The following TEX14 variants were observed in gnomAD, a reference collection of about 807,000 sequenced individuals.
TEX14 encodes the protein testis expressed 14, intercellular bridge forming factor.
TEX14 carries 168 observed loss-of-function variants against 178.6 expected under a neutral mutation model. That is an observed-to-expected ratio of 0.94 (90% CI 0.83 to 1.07). The LOEUF (loss-of-function observed/expected upper bound fraction) is 1.07. Ranked by LOEUF, TEX14 falls within the 50% of genes least tolerant of loss-of-function variation. The pLI is 0.00. For synonymous variants in TEX14, 626 were observed against 634.1 expected (o/e 0.99, Z 0.19); for missense variants, 1,730 against 1,753.6 (o/e 0.99, Z 0.24).
intron 3 of TEX14, among the ~76,000 whole-genome samples, chr17:58,626,743 C>T (rs1041842124): frequency 2.0e-5 from 3 of 151,670 alleles, no homozygotes; most frequent in Non-Finnish European, 2.9e-5. Flanking sequence ...TGGTGGCACG[C>T]GCCTGTAGTC....
chr17:58,631,818 T>C (rs1368965671), intron 2 of TEX14: 7 of 148,876 alleles, frequency 4.7e-5, no homozygotes, highest in East Asian at 3.9e-4. Context: ...ATAGAAATTA[T>C]CCCTCAAAAT....
intron 19 of TEX14, among the ~76,000 whole-genome samples, chr17:58,581,078 C>T (rs2044801535): frequency 6.6e-6 from 1 of 152,130 alleles, no homozygotes; most frequent in South Asian, 2.1e-4. Flanking sequence ...TTTGGGAGGC[C>T]GAGGCGGGCG....
chr17:58,598,647 T>C (rs960759766), intron 14 of TEX14, among the ~76,000 whole-genome samples: 3 of 152,316 alleles, frequency 2.0e-5, no homozygotes, highest in Admixed American at 1.3e-4. Flanking sequence ...CACCTTGCTA[T>C]GAGTCAGTTG....
intron 1 of TEX14, among the ~76,000 whole-genome samples, chr17:58,671,668 T>G (rs979024657): frequency 6.6e-6 from 1 of 152,180 alleles, no homozygotes; most frequent in Non-Finnish European, 1.5e-5. Flanking sequence ...TGCCTTTCCT[T>G]TCTGGATTTG....
At chr17:58,592,219 C>T (rs1040578969) in intron 15 of TEX14, among the ~76,000 whole-genome samples, 7 of 149,734 alleles carry the variant, frequency 4.7e-5, no homozygotes, top group South Asian at 4.2e-4. Context: ...TACTTAAGTT[C>T]GTTCTTTATT....
chr17:58,668,851 C>A (rs867766043), intron 1 of TEX14, among the ~76,000 whole-genome samples: 2 of 152,106 alleles, frequency 1.3e-5, no homozygotes, highest in Non-Finnish European at 1.5e-5. Flanking sequence ...GCCCTGAGGA[C>A]TGGGGGGTCA....
chr17:58,571,799 C>T (rs1409677958), intron 24 of TEX14, 122 bp downstream of exon 24: 4 of 827,292 alleles, frequency 4.8e-6, no homozygotes, highest in Admixed American at 4.5e-5. Flanking sequence ...CCCAGGCAAG[C>T]CAGGAGAGGA....
chr17:58,646,404 C>A (rs2046708335), intron 2 of TEX14, among the ~76,000 whole-genome samples: 1 of 152,216 alleles, frequency 6.6e-6, no homozygotes, highest in Admixed American at 6.6e-5. Flanking sequence ...CTCTCCACCC[C>A]ACTGGTTTTC....
chr17:58,561,484 A>AAAG (rs759194171), intron 29 of TEX14, 36 bp downstream of exon 29: 1 of 1,450,526 alleles, frequency 6.9e-7, no homozygotes, highest in East Asian at 2.3e-5. Flanking sequence ...ACTTCCTGAA[A>AAAG]AAGAAGAAAA....
chr17:58,587,690 G>T, intron 16 of TEX14, 24 bp from the exon 17 acceptor site: 1 of 1,542,170 alleles, frequency 6.5e-7, no homozygotes. Flanking sequence ...GTTTTTTGGA[G>T]GTAGGGGGAG....
intron 11 of TEX14, among the ~76,000 whole-genome samples, chr17:58,603,350 T>C (rs1261183977): frequency 6.8e-6 from 1 of 146,434 alleles, no homozygotes; most frequent in African/African-American, 2.6e-5. Context: ...AGGTCAGAGG[T>C]TGAAACCAGC....
intron 1 of TEX14, among the ~76,000 whole-genome samples, chr17:58,681,657 C>T (rs2047503062): frequency 6.6e-6 from 1 of 151,998 alleles, no homozygotes; most frequent in Non-Finnish European, 1.5e-5. Flanking sequence ...CGAGACCAGC[C>T]TGGCAAACAT....
At chr17:58,570,027 A>G (rs1358622786) in intron 25 of TEX14, among the ~76,000 whole-genome samples, 2 of 152,172 alleles carry the variant, frequency 1.3e-5, no homozygotes, top group African/African-American at 4.8e-5. Context: ...TACTACATAT[A>G]TTTATGAACA....
intron 1 of TEX14, among the ~76,000 whole-genome samples, chr17:58,665,061 A>G (rs1228751637): frequency 6.6e-6 from 1 of 152,170 alleles, no homozygotes; most frequent in African/African-American, 2.4e-5. Context: ...AAATAAGGAA[A>G]CAGATTAAGT....
Position 58,593,606 on chromosome 17 carries a change from G to A in TEX14, c.2525C>T (p.Thr842Ile), listed in dbSNP as rs1384885738. 4 of 1,614,130 alleles carry A rather than the reference G, an allele frequency of 2.5e-6. No individual in the cohort carries two copies. Among genetic ancestry groups the A allele is most frequent in the Non-Finnish European group, 3.4e-6 (4 of 1,180,018 alleles). Residue 842 changes from threonine (T) to isoleucine (I), a missense_variant, in exon 15 of 32, where the codon ACT (threonine) becomes ATT (isoleucine). This residue lies in a region of TEX14 where 941 missense variants were observed against 1,072.4 expected (regional missense o/e 0.88). Coordinates refer to ENST00000349033, the MANE Select transcript of TEX14 (RefSeq NM_031272.5). Reference protein sequence around the residue: ...KQNTDEQFQCTQGAKDSLETS... With the variant: ...KQNTDEQFQCIQGAKDSLETS... ...TTCCAAACTGTCCTTGGCTCCTTGA[G>A]TGCACTGAAATTGTTCATCTGTGTT... is the stretch of plus-strand genomic sequence containing the variant.
intron 17 of TEX14, among the ~76,000 whole-genome samples, chr17:58,587,320 A>G (rs1356559458): frequency 4.6e-5 from 7 of 152,082 alleles, no homozygotes; most frequent in Admixed American, 4.6e-4. Flanking sequence ...GTTTTGTTAC[A>G]TTTCTTATAC....
intron 3 of TEX14, among the ~76,000 whole-genome samples, chr17:58,626,609 T>C (rs2046149947): frequency 7.3e-6 from 1 of 136,502 alleles, no homozygotes; most frequent in Admixed American, 7.6e-5. Context: ...TGGCTGGGTG[T>C]GGTAGCTCAC....
Position 58,557,824 on chromosome 17 carries a change from G to A in TEX14, c.4294C>T (p.Arg1432Ter), listed in dbSNP as rs369187009. The A allele has an allele frequency of 2.1e-5, 34 of 1,611,514 alleles. No individual in the cohort carries two copies. Among genetic ancestry groups the A allele is most frequent in the East Asian group, 1.6e-4 (7 of 44,822 alleles). ...EDELKSCFWK[R>*]LGWSESSRII... Reference sequence around the variant, plus strand: ...CTGGATGATTCGGACCAACCTAGTCGCTTCCAAAAACAGGATTTTAGTTCA... The same window carrying A: ...CTGGATGATTCGGACCAACCTAGTCACTTCCAAAAACAGGATTTTAGTTCA... The change falls in exon 31 of 32, where the codon CGA becomes TGA. Residue 1432 changes from arginine (R) to a stop codon, truncating the protein, a stop_gained. Coordinates refer to ENST00000349033, the MANE Select transcript of TEX14 (RefSeq NM_031272.5). LOFTEE classifies it high-confidence loss of function.
intron 2 of TEX14, among the ~76,000 whole-genome samples, chr17:58,650,179 T>C (rs2046809470): frequency 6.6e-6 from 1 of 151,946 alleles, no homozygotes; most frequent in Non-Finnish European, 1.5e-5. Context: ...TGCCTCAGCC[T>C]CCCAAGTAGC....
Sources: allele counts gnomAD v4.1 joint callset (sites outside exome capture counted in the v4.1 genomes callset), GRCh38; gene constraint gnomAD v4.1.1; regional missense constraint gnomAD v4.1.1; transcripts MANE v1.5; gene names NCBI Gene and HGNC (gene_info 2026-07-23, HGNC 2026-07-21).